The following KANK2 variants were observed in gnomAD, a reference collection of about 807,000 sequenced individuals.
KANK2 encodes the protein KN motif and ankyrin repeat domains 2.
In KANK2, 41 loss-of-function variants were observed where a neutral mutation model predicts 74.6. The observed-to-expected ratio is 0.55, with a 90% CI of 0.43 to 0.71. The LOEUF is 0.71. Ranked by LOEUF, KANK2 falls within the 30% of genes least tolerant of loss-of-function variation. The pLI, the probability that KANK2 is intolerant of heterozygous loss-of-function variation, is 0.00. For synonymous variants in KANK2, 537 were observed against 519.0 expected, an observed-to-expected ratio of 1.03 and a Z score of -0.47; for missense variants, 1,148 against 1,196.4, an observed-to-expected ratio of 0.96 and a Z score of 0.60.
At chr19:11,187,739 C>A (rs780533348) in intron 4 of KANK2, among the ~76,000 whole-genome samples, 1 of 152,000 alleles carries the variant, frequency 6.6e-6, no homozygotes, top group Non-Finnish European at 1.5e-5. Flanking sequence ...GCACCAAATT[C>A]AAAAAGGTAT....
intron 2 of KANK2, 59 bp from the exon 3 acceptor site, chr19:11,194,649 T>A: frequency 6.1e-6 from 4 of 651,430 alleles, no homozygotes; most frequent in Non-Finnish European, 1.1e-5. Context: ...GGGGAGGAGA[T>A]GAGGCCAGCC....
In KANK2 at chr19:11,194,455, T is replaced by G; in HGVS notation, c.37+20A>C. On this transcript the variant is annotated intron_variant, in intron 3 of 12. Transcript: ENST00000586659. ...ACTGAAGCTCCCCGGGGCAGGGCCCTCTTCCCTGAGTCCCCTGACCTGGGA... is the reference window on the plus strand; with the variant it reads ...ACTGAAGCTCCCCGGGGCAGGGCCCGCTTCCCTGAGTCCCCTGACCTGGGA... The G allele has an allele frequency of 1.2e-6, 2 of 1,606,412 alleles. No individual in the cohort carries two copies. The highest frequency in any genetic ancestry group is 8.5e-7 in the Non-Finnish European group (1 of 1,175,424).
In KANK2 at chr19:11,193,894, C is replaced by T. The variant is rs779944714; in HGVS notation, c.186G>A (p.Val62=). Residue 62 remains valine, a synonymous_variant, in exon 4 of 13, where the codon GTG becomes GTA. Coordinates refer to ENST00000586659, the MANE Select transcript of KANK2 (RefSeq NM_001136191.3). The surrounding 1 kb of genome is among the most constrained non-coding windows in gnomAD (Gnocchi z 9.6). ...TCAGGCGGGGGCGGCGCTGCACTGC[C>T]ACGCGTCGCAGCGTGTGGCCCTTCT... ...DIEKGHTLRR[V]AVQRRPRLSS... is the part of the protein sequence containing the mutation. 1.2e-6 allele frequency: 2 copies of T among 1,613,742 alleles called. No homozygotes were observed. Among genetic ancestry groups the T allele is most frequent in the Non-Finnish European group, 1.7e-6 (2 of 1,179,972 alleles).
chr19:11,195,353 G>A (rs2078987869), intron 2 of KANK2, among the ~76,000 whole-genome samples: 1 of 152,070 alleles, frequency 6.6e-6, no homozygotes, highest in Non-Finnish European at 1.5e-5. Flanking sequence ...GGCTGCAAAA[G>A]GGAGGGACAG....
chr19:11,187,524 G>A (rs953814415), intron 4 of KANK2, among the ~76,000 whole-genome samples: 2 of 152,198 alleles, frequency 1.3e-5, no homozygotes, highest in South Asian at 2.1e-4. Context: ...GGTGGAGAGC[G>A]GAGGGTGGTG....
At chr19:11,181,334 C>G (rs969229672) in intron 4 of KANK2, among the ~76,000 whole-genome samples, 10 of 151,500 alleles carry the variant, frequency 6.6e-5, no homozygotes, top group Admixed American at 5.9e-4. Context: ...GCAACCTCTG[C>G]CTCCCAGGTT....
chr19:11,187,601 C>T (rs1157706938), intron 4 of KANK2, among the ~76,000 whole-genome samples: 2 of 152,024 alleles, frequency 1.3e-5, no homozygotes, highest in Non-Finnish European at 2.9e-5. Flanking sequence ...TAATTTGGGA[C>T]TCATGAAAAG....
intron 12 of KANK2, 56 bp from the exon 13 acceptor site, chr19:11,166,667 C>A: frequency 1.9e-6 from 3 of 1,553,146 alleles, no homozygotes; most frequent in South Asian, 1.1e-5. Context: ...TCCCCCGAGG[C>A]GCCAACGTGG....
At chr19:11,192,608 G>A (rs2078878138) in intron 4 of KANK2, 13 of 506,176 alleles carry the variant, frequency 2.6e-5, no homozygotes, top group South Asian at 2.4e-4. Flanking sequence ...GCTAATTTTT[G>A]TATTTTTAGT....
At chr19:11,167,084 A>G (rs1181736260) in intron 12 of KANK2, among the ~76,000 whole-genome samples, 1 of 151,962 alleles carries the variant, frequency 6.6e-6, no homozygotes, top group Non-Finnish European at 1.5e-5. Context: ...CTTTTTTTTG[A>G]GACAGAGTTT....
At position 11,193,557 on chromosome 19, in the gene KANK2, A is replaced by G; in HGVS notation, c.523T>C (p.Ser175Pro). Residue 175 changes from serine to proline, a missense_variant, in exon 4 of 13, where the codon TCC becomes CCC. Transcript: ENST00000586659. This position sits in a 1 kb window ranked among gnomAD's most constrained non-coding sequence, Gnocchi z 9.6. Reference sequence around the variant, plus strand: ...CCGGCACTGGGAGGCACCGGTGTGGACAGTCCTGAACTCCGTGGTGTCGGG... The same window carrying G: ...CCGGCACTGGGAGGCACCGGTGTGGGCAGTCCTGAACTCCGTGGTGTCGGG... ...PPPTPRSSGL[S>P]TPVPPSAGHL... is the part of the protein sequence containing the mutation. The G allele has an allele frequency of 6.3e-7, 1 of 1,595,272 alleles. No homozygotes were observed. The highest frequency in any genetic ancestry group is 8.5e-7 in the Non-Finnish European group (1 of 1,172,240).
At chr19:11,190,552 A>G (rs149476245) in intron 4 of KANK2, among the ~76,000 whole-genome samples, 1 of 152,178 alleles carries the variant, frequency 6.6e-6, no homozygotes, top group Non-Finnish European at 1.5e-5. Context: ...AGCAACCAGT[A>G]CTTAACCGTG....
chr19:11,174,081 C>T (rs910652256), intron 9 of KANK2, among the ~76,000 whole-genome samples: 1 of 151,800 alleles, frequency 6.6e-6, no homozygotes, highest in Non-Finnish European at 1.5e-5. Context: ...GGCAGCATCT[C>T]CTCCATCAGA....
rs114414326 is a variant in KANK2 at position 11,178,453 on chromosome 19, G to C, written c.1418-6C>G. 6.2e-7 allele frequency: 1 copy of C among 1,600,312 alleles called. No homozygotes were observed. The highest frequency in any genetic ancestry group is 1.1e-5 in the South Asian group (1 of 89,212). Reference sequence around the variant, plus strand: ...CACGCCTGCCGGGGGCCCGCCTGGAGGGGAGGACAGCGGAGGTGCTGTGAG... The same window carrying C: ...CACGCCTGCCGGGGGCCCGCCTGGACGGGAGGACAGCGGAGGTGCTGTGAG... On this transcript the variant is annotated splice_polypyrimidine_tract_variant and splice_region_variant and intron_variant, in intron 5 of 12. Coordinates refer to ENST00000586659, the MANE Select transcript of KANK2 (RefSeq NM_001136191.3).
At chr19:11,184,168 G>A (rs2078607677) in intron 4 of KANK2, among the ~76,000 whole-genome samples, 1 of 152,080 alleles carries the variant, frequency 6.6e-6, no homozygotes, top group Non-Finnish European at 1.5e-5. Context: ...CTTGAGTCAG[G>A]AGTTCGAGAT....
chr19:11,166,105 A>T lies in KANK2; in HGVS notation c.*453T>A, dbSNP rs890929269. The T allele has an allele frequency of 1.8e-5, 3 of 163,026 alleles. No homozygotes were observed. Among genetic ancestry groups the T allele is most frequent in the African/African-American group, 4.8e-5 (2 of 41,562 alleles). 10.1% of individuals were successfully genotyped at this position (163,026 alleles called of 1,614,324 possible). ...TGAACCCCAACTGGTGCGTAATAACACTTAGGATTAAAATGAAAATATGCA... is the reference window on the plus strand; with the variant it reads ...TGAACCCCAACTGGTGCGTAATAACTCTTAGGATTAAAATGAAAATATGCA... On this transcript the variant is annotated 3_prime_UTR_variant, in exon 13 of 13. Coordinates refer to ENST00000586659, the MANE Select transcript of KANK2 (RefSeq NM_001136191.3).
chr19:11,192,004 A>G (rs543565094), intron 4 of KANK2, among the ~76,000 whole-genome samples: 3 of 152,288 alleles, frequency 2.0e-5, no homozygotes, highest in South Asian at 2.1e-4. Flanking sequence ...GGCTGCAGTG[A>G]GCCATGATTA....
In KANK2 at chr19:11,175,910, G is replaced by A. The variant is rs201580556; in HGVS notation, c.1840C>T (p.Arg614Trp). The A allele has an allele frequency of 1.1e-4, 171 of 1,613,274 alleles. 1 individual carries two copies. The highest frequency in any genetic ancestry group is 8.8e-4 in the Admixed American group (53 of 59,968). ...YLDNPNALTE[R>W]ELKVAYTTVL... The stretch of plus-strand genomic sequence containing the variant: ...CCAGGGCCAGATCGTACCAGCTCCC[G>A]CTCTGTGAGGGCGTTGGGATTGTCC... The change falls in exon 8 of 13, where the codon CGG becomes TGG. Residue 614 changes from arginine (R) to tryptophan (W), a missense_variant. Physicochemically the swap from Arg to Trp is moderately radical, Grantham distance 101. Coordinates refer to ENST00000586659, the MANE Select transcript of KANK2 (RefSeq NM_001136191.3).
At chr19:11,169,349 CA>C (rs895417835) in intron 12 of KANK2, among the ~76,000 whole-genome samples, 1 of 150,922 alleles carries the variant, frequency 6.6e-6, no homozygotes, top group Admixed American at 6.6e-5. Flanking sequence ...AAAAACAAAA[CA>C]AAAAAAACTC....
Sources: allele counts gnomAD v4.1 joint callset (sites outside exome capture counted in the v4.1 genomes callset), GRCh38; gene constraint gnomAD v4.1.1; non-coding constraint Gnocchi (gnomAD v3.1); transcripts MANE v1.5; gene names NCBI Gene and HGNC (gene_info 2026-07-23, HGNC 2026-07-21).